ATP8A1: variants seen among roughly 807,000 people sequenced by gnomAD.
ATP8A1 encodes phospholipid-transporting ATPase IA.
In ATP8A1, 90 loss-of-function variants were observed where a neutral mutation model predicts 177.7. The ratio of observed to expected loss-of-function variants is 0.51; its 90% CI spans 0.43 to 0.60. The LOEUF (loss-of-function observed/expected upper bound fraction) is 0.60, where lower values mean the gene tolerates loss of function less well. Ranked by LOEUF, ATP8A1 falls within the 20% of genes least tolerant of loss-of-function variation. ATP8A1 has a pLI of 0.00. For synonymous variants in ATP8A1, 493 were observed against 485.9 expected, an observed-to-expected ratio of 1.01 and a Z score of -0.19; for missense variants, 1,072 against 1,392.8, an observed-to-expected ratio of 0.77 and a Z score of 3.67.
In ATP8A1 at chr4:42,616,056, G is replaced by GC. The variant is rs1736880044; in HGVS notation, c.385dup (p.Ala129GlyfsTer48). ...ACCTTGCGTTTGTTTCTTGTTCACT[G>GC]CATTATCAGCTTTATGTCGTTTCTA... On this transcript the variant is annotated frameshift_variant, in exon 5 of 37. Transcript: ENST00000381668. LOFTEE classifies it high-confidence loss of function. 6.2e-7 allele frequency: 1 copy of GC among 1,611,610 alleles called. No homozygotes were observed. The highest frequency in any genetic ancestry group is 8.5e-7 in the Non-Finnish European group (1 of 1,179,118).
chr4:42,427,798 C>T (rs1385608055), intron 33 of ATP8A1, among the ~76,000 whole-genome samples: 1 of 152,166 alleles, frequency 6.6e-6, no homozygotes, highest in Non-Finnish European at 1.5e-5. Context: ...CGCAGAGCAG[C>T]GTAAGGCTTC....
Position 42,629,941 on chromosome 4 carries a change from C to T in ATP8A1, c.50-2832G>A, listed in dbSNP as rs75297831. On this transcript the variant is annotated intron_variant, in intron 1 of 36. Coordinates refer to ENST00000381668, the MANE Select transcript of ATP8A1 (RefSeq NM_006095.2). ...TCCATGTAAAGAGAAACGGACTCTT[C>T]CATTTGATTAATGAACCAACACTTT... Among the ~76,000 whole-genome samples, 761 of 152,304 alleles carry T rather than the reference C, an allele frequency of 5.0e-3. 8 individuals are homozygous for T. The highest frequency in any genetic ancestry group is 0.018 in the African/African-American group (735 of 41,570).
intron 20 of ATP8A1, among the ~76,000 whole-genome samples, chr4:42,542,507 A>G (rs796547397): frequency 1.4e-4 from 21 of 152,218 alleles, no homozygotes; most frequent in African/African-American, 4.6e-4. Flanking sequence ...GGTTTGTTAC[A>G]TAGGTATACA....
intron 24 of ATP8A1, among the ~76,000 whole-genome samples, chr4:42,500,733 G>C (rs950729340): frequency 6.6e-6 from 1 of 152,162 alleles, no homozygotes; most frequent in African/African-American, 2.4e-5. Context: ...ATGAACCAAG[G>C]CAGAAAGACC....
intron 33 of ATP8A1, among the ~76,000 whole-genome samples, chr4:42,431,175 T>C (rs1715256089): frequency 6.6e-6 from 1 of 152,178 alleles, no homozygotes; most frequent in Non-Finnish European, 1.5e-5. Flanking sequence ...TATTGAAAAA[T>C]TTTTATTATA....
intron 27 of ATP8A1, chr4:42,459,454 G>A: frequency 7.6e-6 from 2 of 264,304 alleles, no homozygotes; most frequent in Admixed American, 4.9e-5. Flanking sequence ...ATTGCTGGCA[G>A]TGGCTTTAAA....
chr4:42,454,241 A>T (rs1718234194), intron 29 of ATP8A1, among the ~76,000 whole-genome samples: 1 of 152,178 alleles, frequency 6.6e-6, no homozygotes, highest in African/African-American at 2.4e-5. Flanking sequence ...TTGCCCATAA[A>T]CCTAGCACTA....
chr4:42,586,974 G>A (rs1395999788), intron 8 of ATP8A1, among the ~76,000 whole-genome samples: 2 of 152,196 alleles, frequency 1.3e-5, no homozygotes, highest in African/African-American at 2.4e-5. Context: ...CACAGTGGCA[G>A]TCTGGGTCCA....
chr4:42,556,654 T>C (rs959792262), intron 15 of ATP8A1, among the ~76,000 whole-genome samples: 2 of 152,122 alleles, frequency 1.3e-5, no homozygotes, highest in Non-Finnish European at 2.9e-5. Context: ...AAATGTATTA[T>C]GTACTTCATA....
At chr4:42,464,654 C>T in intron 27 of ATP8A1, 36 bp downstream of exon 27, 3 of 1,248,330 alleles carry the variant, frequency 2.4e-6, no homozygotes, top group Non-Finnish European at 3.4e-6. Context: ...AATATGTATG[C>T]AAATGACAAG....
intron 3 of ATP8A1, chr4:42,625,261 A>G (rs1737936666): frequency 1.2e-5 from 2 of 164,736 alleles, no homozygotes; most frequent in East Asian, 3.4e-4. Flanking sequence ...TCTGACTACA[A>G]CTAATTTAAA....
chr4:42,622,002 T>C (rs994213631), intron 4 of ATP8A1, among the ~76,000 whole-genome samples: 7 of 152,160 alleles, frequency 4.6e-5, no homozygotes, highest in African/African-American at 1.2e-4. Flanking sequence ...ATTCGATAAA[T>C]AATGCTGGAA....
At chr4:42,499,675 A>G (rs1410601147) in intron 24 of ATP8A1, among the ~76,000 whole-genome samples, 5 of 152,230 alleles carry the variant, frequency 3.3e-5, no homozygotes, top group Admixed American at 3.3e-4. Flanking sequence ...ATACAAAAAT[A>G]TAATATGTTA....
intron 27 of ATP8A1, among the ~76,000 whole-genome samples, chr4:42,462,550 T>G (rs769633497): frequency 4.6e-5 from 7 of 152,200 alleles, no homozygotes; most frequent in Non-Finnish European, 7.3e-5. Flanking sequence ...TCTGAAGATG[T>G]ATGGAAATGC....
intron 25 of ATP8A1, among the ~76,000 whole-genome samples, chr4:42,480,986 A>G (rs61372964): frequency 0.15 from 23,418 of 152,282 alleles, 2,226 homozygotes; most frequent in South Asian, 0.24. Flanking sequence ...GTCACAGAAC[A>G]TAAGTTTCAA....
chr4:42,464,552 T>C, intron 27 of ATP8A1, 138 bp downstream of exon 27: 1 of 561,896 alleles, frequency 1.8e-6, no homozygotes, highest in East Asian at 3.0e-5. Flanking sequence ...GGCCACCTTT[T>C]TGTTTTAATA....
intron 1 of ATP8A1, among the ~76,000 whole-genome samples, chr4:42,651,481 G>C (rs949428045): frequency 6.6e-6 from 1 of 152,022 alleles, no homozygotes; most frequent in Non-Finnish European, 1.5e-5. Context: ...GAGTAGTCTC[G>C]GGTATGTCTT....
intron 1 of ATP8A1, among the ~76,000 whole-genome samples, chr4:42,644,715 C>T (rs575619301): frequency 6.6e-6 from 1 of 151,960 alleles, no homozygotes; most frequent in Non-Finnish European, 1.5e-5. Context: ...ATCAGAGCGG[C>T]CACCGAGAAA....
Position 42,443,555 on chromosome 4 carries a change from CG to C in ATP8A1, c.3123+9del, listed in dbSNP as rs759181094. On this transcript the variant is annotated intron_variant, in intron 33 of 36. Coordinates refer to ENST00000381668, the MANE Select transcript of ATP8A1 (RefSeq NM_006095.2). The stretch of plus-strand genomic sequence containing the variant: ...GTTTTGTTGGATTGTGAGTTATTAG[CG>C]CACATTACCTCTCCTGACATATCAG... 18 of 1,038,382 alleles carry C rather than the reference CG, an allele frequency of 1.7e-5. No individual in the cohort carries two copies. The highest frequency in any genetic ancestry group is 2.7e-5 in the Non-Finnish European group (18 of 656,878). The allele number at this position is 1,038,382 out of a possible 1,614,324, so 64.3% of individuals were successfully genotyped here.
Sources: allele counts gnomAD v4.1 joint callset (sites outside exome capture counted in the v4.1 genomes callset), GRCh38; gene constraint gnomAD v4.1.1; transcripts MANE v1.5; gene names NCBI Gene and HGNC (gene_info 2026-07-23, HGNC 2026-07-21).